DIPK1B: variants seen among roughly 807,000 people sequenced by gnomAD.
The protein encoded by DIPK1B is family with sequence similarity 69 member B.
DIPK1B carries 17 observed loss-of-function variants against 20.7 expected under a neutral mutation model. The ratio of observed to expected loss-of-function variants is 0.82; its 90% confidence interval spans 0.56 to 1.23. The LOEUF is 1.23. DIPK1B is among the 50% of genes most tolerant of loss of function. The pLI is 0.00. For missense variants in DIPK1B, 648 were observed against 601.8 expected (o/e 1.08, Z -0.80); for synonymous variants, 343 against 276.5 (o/e 1.24, Z -2.39).
At chr9:136,716,264 C>CTTT (rs71385760) in intron 1 of DIPK1B, among the ~76,000 whole-genome samples, 28 of 121,258 alleles carry the variant, frequency 2.3e-4, no homozygotes, top group Non-Finnish European at 3.1e-4. Context: ...GAGTCTGTGT[C>CTTT]TTTTTTTTTT....
chr9:136,712,607 G>C lies in DIPK1B; in HGVS notation c.-59G>C. On this transcript the variant is annotated 5_prime_UTR_variant, in exon 1 of 5. Coordinates refer to ENST00000371692, the MANE Select transcript of DIPK1B (RefSeq NM_152421.4). The surrounding 1 kb of genome is among the most constrained non-coding windows in gnomAD (Gnocchi z 5.6). ...AGCGGCGGCCGCTGCGGGCCGGGCC[G>C]GGCCGGGGCTGAGGCCGAGCGAGCC... The C allele has an allele frequency of 1.2e-6, 1 of 835,030 alleles. No homozygotes were observed. The highest frequency in any genetic ancestry group is 1.4e-6 in the Non-Finnish European group (1 of 692,976). 51.7% of individuals were successfully genotyped at this position (835,030 alleles called of 1,614,324 possible). A position where few individuals can be genotyped will look rare whatever the true frequency, so the allele number is the denominator to read the frequency against.
chr9:136,721,855 G>A (rs1846606456), intron 2 of DIPK1B, 66 bp from the exon 3 acceptor site: 10 of 1,464,554 alleles, frequency 6.8e-6, no homozygotes, highest in Non-Finnish European at 9.4e-6. Flanking sequence ...TCGGGCCTGT[G>A]GGCAGGGGCT....
chr9:136,723,768 C>T lies in DIPK1B; in HGVS notation c.1290C>T (p.Tyr430=), dbSNP rs530030135. 1.3e-6 allele frequency: 2 copies of T among 1,534,312 alleles called. No homozygotes were observed. The highest frequency in any genetic ancestry group is 3.9e-5 in the Admixed American group (2 of 50,996). The change falls in exon 5 of 5, where the codon TAC becomes TAT. Residue 430 remains tyrosine, a synonymous_variant. Transcript: ENST00000371692. ...LLWKKISNTK[Y]S is the part of the protein sequence containing the mutation. ...GGAAGAAGATCTCCAACACCAAGTA[C>T]TCTTGATGGGGCAGTGAGGGGCCTG...
At chr9:136,714,514 T>A (rs1366816944) in intron 1 of DIPK1B, among the ~76,000 whole-genome samples, 2 of 152,260 alleles carry the variant, frequency 1.3e-5, no homozygotes, top group East Asian at 3.9e-4. Context: ...CTCCTGGCTG[T>A]CCTCCGAGGC....
chr9:136,723,509 G>A lies in DIPK1B; in HGVS notation c.1031G>A (p.Arg344His), dbSNP rs759808648. 2.6e-5 allele frequency: 42 copies of A among 1,603,026 alleles called. No homozygotes were observed. Among genetic ancestry groups the A allele is most frequent in the Middle Eastern group, 1.6e-4 (1 of 6,070 alleles). ...CACAGCACCGACTGCACCTACGGGC[G>A]CGACTGCAGGGCCCCGTGTGACAGG... Reference protein sequence around the residue: ...CEHSTDCTYGRDCRAPCDRLM... With the variant: ...CEHSTDCTYGHDCRAPCDRLM... Residue 344 changes from arginine (R) to histidine (H), a missense_variant, in exon 5 of 5, where the codon CGC (arginine) becomes CAC (histidine). Physicochemically the swap from Arg to His is conservative, Grantham distance 29. Transcript: ENST00000371692.
In DIPK1B at chr9:136,723,588, C is replaced by A. The variant is rs755812718; in HGVS notation, c.1110C>A (p.Cys370Ter). 6.3e-7 allele frequency: 1 copy of A among 1,594,278 alleles called. No individual in the cohort carries two copies. Among genetic ancestry groups the A allele is most frequent in the Non-Finnish European group, 8.5e-7 (1 of 1,171,196 alleles). The change falls in exon 5 of 5, where the codon TGC (cysteine) becomes TGA (stop). Residue 370 changes from cysteine (C) to a stop codon, truncating the protein, a stop_gained. Coordinates refer to ENST00000371692, the MANE Select transcript of DIPK1B (RefSeq NM_152421.4). LOFTEE classifies it low-confidence loss of function (END_TRUNC). ...DLIQPNLAKV[C>*]ALLRGYLLPG... ...TCCAGCCCAACCTGGCCAAGGTGTGCGCACTGCTACGGGGCTACCTGCTGC... is the reference window on the plus strand; with the variant it reads ...TCCAGCCCAACCTGGCCAAGGTGTGAGCACTGCTACGGGGCTACCTGCTGC...
Position 136,722,229 on chromosome 9 carries a change from G to C in DIPK1B, c.411G>C (p.Leu137=). 3 of 1,613,990 alleles carry C rather than the reference G, an allele frequency of 1.9e-6. No individual in the cohort carries two copies. The highest frequency in any genetic ancestry group is 2.5e-6 in the Non-Finnish European group (3 of 1,180,006). The change falls in exon 4 of 5, where the codon CTG becomes CTC. Residue 137 remains leucine (L), a synonymous_variant. Coordinates refer to ENST00000371692, the MANE Select transcript of DIPK1B (RefSeq NM_152421.4). ...CGGATGCGGCCCCCCGGCGGGAGCT[G>C]GTACTGTTTGACAAGCCCACCCGGG... ...ARSDAAPRRE[L]VLFDKPTRGT... is the part of the protein sequence containing the mutation.
chr9:136,724,028 T>C lies in DIPK1B; in HGVS notation c.*254T>C. 3.8e-6 allele frequency: 2 copies of C among 524,138 alleles called. No individual in the cohort carries two copies. The highest frequency in any genetic ancestry group is 6.9e-6 in the Non-Finnish European group (2 of 290,006). The allele number at this position is 524,138 out of a possible 1,614,324, so 32.5% of individuals were successfully genotyped here. The stretch of plus-strand genomic sequence containing the variant: ...GAAGAACGTAATGTCAATAAACAGC[T>C]TTTATGTAATGCCCAGGGCTGAGCA... On this transcript the variant is annotated 3_prime_UTR_variant, in exon 5 of 5. Transcript: ENST00000371692.
chr9:136,719,585 G>C (rs1170394409), intron 2 of DIPK1B, among the ~76,000 whole-genome samples: 1 of 152,252 alleles, frequency 6.6e-6, no homozygotes, highest in Non-Finnish European at 1.5e-5. Flanking sequence ...CGGGGAACAG[G>C]CTGGGCGGTG....
chr9:136,717,758 GC>G, intron 2 of DIPK1B, 47 bp downstream of exon 2: 1 of 1,603,368 alleles, frequency 6.2e-7, no homozygotes. Context: ...GCCCCCTGCT[GC>G]CCAAGATGCT....
chr9:136,712,648 C>T lies in DIPK1B; in HGVS notation c.-18C>T, dbSNP rs1190619693. 3.3e-6 allele frequency: 4 copies of T among 1,212,168 alleles called. No homozygotes were observed. Among genetic ancestry groups the T allele is most frequent in the East Asian group, 3.7e-5 (1 of 26,844 alleles). The allele number at this position is 1,212,168 out of a possible 1,614,324, so 75.1% of individuals were successfully genotyped here. A position where few individuals can be genotyped will look rare whatever the true frequency, so the allele number is the denominator to read the frequency against. ...CGAGCGAGCCGCGGGGCCCGCGCAG[C>T]CCCGGCCGGAGCCCACCATGCGGCG... is the stretch of plus-strand genomic sequence containing the variant. On this transcript the variant is annotated 5_prime_UTR_variant, in exon 1 of 5. Coordinates refer to ENST00000371692, the MANE Select transcript of DIPK1B (RefSeq NM_152421.4). This position sits in a 1 kb window ranked among gnomAD's most constrained non-coding sequence, Gnocchi z 5.6.
intron 2 of DIPK1B, among the ~76,000 whole-genome samples, chr9:136,720,237 C>G (rs1388162930): frequency 6.6e-6 from 1 of 151,932 alleles, no homozygotes; most frequent in African/African-American, 2.4e-5. Context: ...TGACGAAGAG[C>G]CGGCGTTTTC....
rs910087671 is a variant in DIPK1B at position 136,712,923 on chromosome 9, A to T, written c.63+195A>T. Among the ~76,000 whole-genome samples, 1 of 152,126 alleles carries T rather than the reference A, an allele frequency of 6.6e-6. No individual in the cohort carries two copies. Among genetic ancestry groups the T allele is most frequent in the African/African-American group, 2.4e-5 (1 of 41,442 alleles). Reference sequence around the variant, plus strand: ...CTGGGGGAGGGGCGGTGGCGGCGACAGGAGGGTCCGGGCGCGGGGATGCTG... The same window carrying T: ...CTGGGGGAGGGGCGGTGGCGGCGACTGGAGGGTCCGGGCGCGGGGATGCTG... On this transcript the variant is annotated intron_variant, in intron 1 of 4. Coordinates refer to ENST00000371692, the MANE Select transcript of DIPK1B (RefSeq NM_152421.4). This position sits in a 1 kb window ranked among gnomAD's most constrained non-coding sequence, Gnocchi z 5.6.
In DIPK1B at chr9:136,717,480, G is replaced by A. The variant is rs1846515214; in HGVS notation, c.64-97G>A. ...AAGGGGATGGCAGGGGAAGGCTGGG[G>A]TGGATCCGGAGGCCCTTCCTGTGGG... On this transcript the variant is annotated intron_variant, in intron 1 of 4. Coordinates refer to ENST00000371692, the MANE Select transcript of DIPK1B (RefSeq NM_152421.4). The A allele has an allele frequency of 7.7e-6, 11 of 1,419,836 alleles. No homozygotes were observed. In the Admixed American group the frequency reaches 1.5e-4, roughly 19 times the overall value. The allele number at this position is 1,419,836 out of a possible 1,614,324, so 88.0% of individuals were successfully genotyped here. A position where few individuals can be genotyped will look rare whatever the true frequency, so the allele number is the denominator to read the frequency against.
Position 136,723,047 on chromosome 9 carries a change from C to T in DIPK1B, c.569C>T (p.Ser190Phe). ...MADFNKDNRV[S>F]LAEAKSVWAL... is the part of the protein sequence containing the mutation. ...GACTTCAACAAGGACAACCGGGTGT[C>T]CCTGGCGGAAGCCAAGTCCGTGTGG... Residue 190 changes from serine to phenylalanine, a missense_variant, in exon 5 of 5, where the codon TCC becomes TTC. Coordinates refer to ENST00000371692, the MANE Select transcript of DIPK1B (RefSeq NM_152421.4). 1 of 1,613,526 alleles carries T rather than the reference C, an allele frequency of 6.2e-7. No homozygotes were observed. The highest frequency in any genetic ancestry group is 8.5e-7 in the Non-Finnish European group (1 of 1,180,032).
At chr9:136,721,085 C>T (rs925530932) in intron 2 of DIPK1B, 3 of 152,322 alleles carry the variant, frequency 2.0e-5, no homozygotes, top group East Asian at 3.8e-4. Context: ...GCTGGCAGCC[C>T]GCCCTGACGG....
rs1335761862 is a variant in DIPK1B, at chr9:136,723,677, G to A, written c.1199G>A (p.Ser400Asn). ...GTQLRTCTTLSGLASQVEAHH... is the reference protein window; with the variant it reads ...GTQLRTCTTLNGLASQVEAHH... ...CAGCTGCGCACCTGTACCACGCTGA[G>A]CGGGCTGGCCAGCCAGGTGGAGGCC... is the stretch of plus-strand genomic sequence containing the variant. The change falls in exon 5 of 5, where the codon AGC becomes AAC. Residue 400 changes from serine to asparagine, a missense_variant. Physicochemically the swap from Ser to Asn is conservative, Grantham distance 46. Coordinates refer to ENST00000371692, the MANE Select transcript of DIPK1B (RefSeq NM_152421.4). 6.5e-7 allele frequency: 1 copy of A among 1,545,762 alleles called. No homozygotes were observed. The highest frequency in any genetic ancestry group is 8.7e-7 in the Non-Finnish European group (1 of 1,149,362).
chr9:136,717,773 G>A, intron 2 of DIPK1B, 62 bp downstream of exon 2: 2 of 1,599,330 alleles, frequency 1.3e-6, no homozygotes, highest in Non-Finnish European at 1.7e-6. Context: ...AGATGCTGGG[G>A]CACCAGGCCC....
intron 2 of DIPK1B, among the ~76,000 whole-genome samples, chr9:136,719,157 CGGGTGGGGGT>C (rs1260943675): frequency 1.0e-4 from 2 of 19,156 alleles, no homozygotes; most frequent in Admixed American, 1.3e-3. Flanking sequence ...TGGGTGGGGG[CGGGTGGGGGT>C]GAGCAGAGGA....
Sources: gnomAD v4.1 joint callset for allele counts (sites outside exome capture counted in the v4.1 genomes callset) on GRCh38, gnomAD v4.1.1 for gene constraint, Gnocchi (gnomAD v3.1) non-coding constraint, MANE v1.5 for transcripts, NCBI Gene and HGNC (gene_info 2026-07-23, HGNC 2026-07-21) for gene names.